MTUS2: variants seen among roughly 807,000 people sequenced by gnomAD.
MTUS2 encodes microtubule-associated tumor suppressor candidate 2.
MTUS2 carries 40 observed loss-of-function variants against 114.1 expected under a neutral mutation model. That is an observed-to-expected ratio of 0.35 (90% confidence interval 0.27 to 0.46). The LOEUF (loss-of-function observed/expected upper bound fraction) is 0.46, where lower values mean the gene tolerates loss of function less well. Ranked by LOEUF, MTUS2 falls within the 20% of genes least tolerant of loss-of-function variation. The probability of loss-of-function intolerance (pLI) is 1.00; values close to 1 mark genes in which losing one functional copy is unlikely to be tolerated. For synonymous variants in MTUS2, 688 were observed against 672.0 expected (o/e 1.02, Z -0.37); for missense variants, 1,679 against 1,705.4 (o/e 0.98, Z 0.27).
At chr13:28,872,492 A>C (rs1185797614) in intron 2 of MTUS2, among the ~76,000 whole-genome samples, 2 of 152,174 alleles carry the variant, frequency 1.3e-5, no homozygotes, top group Non-Finnish European at 2.9e-5. Context: ...TAAAGGAAAA[A>C]ATATTTATTT....
intron 8 of MTUS2, among the ~76,000 whole-genome samples, chr13:29,398,200 C>T (rs1176013570): frequency 6.6e-6 from 1 of 152,104 alleles, no homozygotes; most frequent in East Asian, 1.9e-4. Context: ...GTGGCTCATG[C>T]CTATAATCCC....
intron 2 of MTUS2, among the ~76,000 whole-genome samples, chr13:28,994,388 A>AT (rs1884996276): frequency 6.6e-6 from 1 of 152,246 alleles, no homozygotes; most frequent in Non-Finnish European, 1.5e-5. Flanking sequence ...TTATAGCAGC[A>AT]TGATTTATAA....
chr13:29,283,702 G>T (rs1167739641), intron 6 of MTUS2, among the ~76,000 whole-genome samples: 1 of 152,114 alleles, frequency 6.6e-6, no homozygotes, highest in East Asian at 1.9e-4. Flanking sequence ...TTCCCAAGTG[G>T]TGCCTCTAGA....
intron 4 of MTUS2, among the ~76,000 whole-genome samples, chr13:29,095,441 C>T (rs1890137717): frequency 6.6e-6 from 1 of 151,948 alleles, no homozygotes; most frequent in South Asian, 2.1e-4. Context: ...TTCTCTTTAC[C>T]TTTCTACACT....
chr13:28,991,288 C>CTTCCCTGTCCAGCTGTT, intron 2 of MTUS2, among the ~76,000 whole-genome samples: 1 of 152,012 alleles, frequency 6.6e-6, no homozygotes, highest in East Asian at 1.9e-4. Context: ...TTAGACTTGT[C>CTTCCCTGTCCAGCTGTT]TTCCCTGTCC....
chr13:29,110,833 G>C (rs1232655946), intron 5 of MTUS2, among the ~76,000 whole-genome samples: 1 of 152,102 alleles, frequency 6.6e-6, no homozygotes, highest in African/African-American at 2.4e-5. Context: ...CCATATTCTA[G>C]GATGTTCTAG....
chr13:29,086,222 T>C (rs12873251), intron 4 of MTUS2, among the ~76,000 whole-genome samples: 44,094 of 152,160 alleles, frequency 0.29, 6,727 homozygotes, highest in East Asian at 0.6. Context: ...TTTCTCCCAT[T>C]CTGTAGGTTT....
intron 4 of MTUS2, among the ~76,000 whole-genome samples, chr13:29,042,417 C>G (rs1887408151): frequency 1.3e-5 from 2 of 151,968 alleles, no homozygotes; most frequent in Non-Finnish European, 2.9e-5. Flanking sequence ...GGAGATTGGT[C>G]TGTAATGTTT....
rs577489231 is a variant in MTUS2, at chr13:29,415,823, TTTG to T, written c.3118-24148_3118-24146del. 1.1e-3 allele frequency among the ~76,000 whole-genome samples: 165 copies of T among 152,204 alleles called. 1 individual carries two copies. The highest frequency in any genetic ancestry group is 3.8e-3 in the African/African-American group (157 of 41,538). ...ATTATGAAAAATGAAATTTAAGAAG[TTTG>T]TTGTTGTTGTTCTAGTGGTTATATT... On this transcript the variant is annotated intron_variant, in intron 8 of 15. Transcript: ENST00000612955.
At chr13:29,336,438 C>A (rs1276625213) in intron 7 of MTUS2, among the ~76,000 whole-genome samples, 2 of 152,208 alleles carry the variant, frequency 1.3e-5, no homozygotes, top group African/African-American at 4.8e-5. Context: ...AGGTCCACTC[C>A]AGACCCTGCT....
intron 2 of MTUS2, among the ~76,000 whole-genome samples, chr13:28,947,868 T>C (rs573056602): frequency 6.6e-6 from 1 of 152,358 alleles, no homozygotes; most frequent in East Asian, 1.9e-4. Flanking sequence ...CTTTTAGAAA[T>C]AGAGCCCATT....
intron 5 of MTUS2, among the ~76,000 whole-genome samples, chr13:29,276,115 A>T (rs1289007133): frequency 6.6e-6 from 1 of 152,202 alleles, no homozygotes; most frequent in African/African-American, 2.4e-5. Context: ...ATTTTGATAG[A>T]TGCAGTTGAT....
At chr13:29,211,028 G>A (rs973738075) in intron 5 of MTUS2, among the ~76,000 whole-genome samples, 7 of 152,118 alleles carry the variant, frequency 4.6e-5, no homozygotes, top group Admixed American at 3.9e-4. Context: ...GGGCCATAGA[G>A]TTCCCAAGAG....
intron 2 of MTUS2, among the ~76,000 whole-genome samples, chr13:28,931,202 C>A (rs964099886): frequency 2.0e-5 from 3 of 151,996 alleles, no homozygotes; most frequent in African/African-American, 4.8e-5. Flanking sequence ...GTTCTGCATC[C>A]GTGGATTCAA....
intron 4 of MTUS2, among the ~76,000 whole-genome samples, chr13:29,048,735 T>G (rs1206156298): frequency 6.6e-6 from 1 of 151,882 alleles, no homozygotes; most frequent in African/African-American, 2.4e-5. Flanking sequence ...CTTCCAAAGT[T>G]CTGGGATTAC....
intron 2 of MTUS2, among the ~76,000 whole-genome samples, chr13:28,978,363 A>G (rs1054054766): frequency 1.1e-4 from 16 of 152,362 alleles, no homozygotes; most frequent in African/African-American, 2.6e-4. Context: ...GGAATAGGAT[A>G]GAATATCCAG....
chr13:28,891,475 C>T (rs1475444200), intron 2 of MTUS2, among the ~76,000 whole-genome samples: 1 of 151,978 alleles, frequency 6.6e-6, no homozygotes, highest in Non-Finnish European at 1.5e-5. Flanking sequence ...GGCCGTTGAA[C>T]TGAAAGGCAT....
At chr13:29,404,377 A>G (rs974325392) in intron 8 of MTUS2, among the ~76,000 whole-genome samples, 1 of 151,714 alleles carries the variant, frequency 6.6e-6, no homozygotes, top group Non-Finnish European at 1.5e-5. Flanking sequence ...AAAAGTTAGC[A>G]GGGCATGGTG....
rs57396668 is a variant in MTUS2, at chr13:28,852,975, T to TACATACATACATA, written c.-243+13125_-243+13126insACATACATACATA. On this transcript the variant is annotated intron_variant, in intron 2 of 15. Coordinates refer to ENST00000612955, the MANE Select transcript of MTUS2 (RefSeq NM_001033602.4). ...TACATACATACATACATACATACAT[T>TACATACATACATA]CATTCATTCATTCATTCCTTGGAAA... Among the ~76,000 whole-genome samples, 113 of 151,250 alleles carry TACATACATACATA rather than the reference T, an allele frequency of 7.5e-4. 1 individual carries two copies. The highest frequency in any genetic ancestry group is 2.3e-3 in the African/African-American group (95 of 41,048).
Sources: gnomAD v4.1 joint callset for allele counts (sites outside exome capture counted in the v4.1 genomes callset) on GRCh38, gnomAD v4.1.1 for gene constraint, MANE v1.5 for transcripts, NCBI Gene and HGNC (gene_info 2026-07-23, HGNC 2026-07-21) for gene names.